Variants in PROCR observed in about 807,000 individuals in gnomAD.
The protein encoded by PROCR is endothelial protein C receptor.
In PROCR, 22 loss-of-function variants were observed where a neutral mutation model predicts 24.2. The ratio of observed to expected loss-of-function variants is 0.91; its 90% CI spans 0.65 to 1.30. The LOEUF (loss-of-function observed/expected upper bound fraction) is 1.30. Among genes scored for constraint, PROCR ranks in the 50% most tolerant of loss-of-function variants. The pLI is 0.00. For missense variants in PROCR, 288 were observed against 307.7 expected (o/e 0.94, Z 0.48); for synonymous variants, 137 against 139.2 (o/e 0.98, Z 0.11).
At chr20:35,188,218 A>T (rs2086144001) in intron 1 of PROCR, among the ~76,000 whole-genome samples, 1 of 152,206 alleles carries the variant, frequency 6.6e-6, no homozygotes, top group Non-Finnish European at 1.5e-5. Context: ...AATTGTGCTA[A>T]CTGCTAGCAG....
At chr20:35,199,597 A>G (rs553650414) in intron 1 of PROCR, among the ~76,000 whole-genome samples, 1 of 152,228 alleles carries the variant, frequency 6.6e-6, no homozygotes, top group South Asian at 2.1e-4. Flanking sequence ...AAAAATGCAG[A>G]AATTGGCCGG....
intron 1 of PROCR, among the ~76,000 whole-genome samples, chr20:35,212,297 G>T (rs968659039): frequency 5.9e-5 from 9 of 152,166 alleles, no homozygotes; most frequent in Non-Finnish European, 1.2e-4. Context: ...GACACTCAAG[G>T]GGCAAGACCT....
At chr20:35,195,358 T>C (rs1234428920) in intron 1 of PROCR, 2 of 152,160 alleles carry the variant, frequency 1.3e-5, no homozygotes, top group African/African-American at 4.8e-5. Flanking sequence ...TTTTTGAAGC[T>C]AGGCAGGGTC....
Position 35,174,752 on chromosome 20 carries a change from C to T in PROCR, c.121C>T (p.His41Tyr). 6.2e-7 allele frequency: 1 copy of T among 1,614,110 alleles called. No homozygotes were observed. Among genetic ancestry groups the T allele is most frequent in the Non-Finnish European group, 8.5e-7 (1 of 1,180,006 alleles). ...GATCTCCTACTTCCGCGACCCCTATCACGTGTGGTACCAGGGCAACGCGTC... is the reference window on the plus strand; with the variant it reads ...GATCTCCTACTTCCGCGACCCCTATTACGTGTGGTACCAGGGCAACGCGTC... ...LQISYFRDPY[H>Y]VWYQGNASLG... Residue 41 changes from histidine (H) to tyrosine (Y), a missense_variant, in exon 2 of 4, where the codon CAC becomes TAC. Coordinates refer to ENST00000216968, the MANE Select transcript of PROCR (RefSeq NM_006404.5).
At chr20:35,173,575 A>C (rs967207929) in intron 1 of PROCR, among the ~76,000 whole-genome samples, 5 of 151,746 alleles carry the variant, frequency 3.3e-5, no homozygotes, top group African/African-American at 1.2e-4. Flanking sequence ...GACTACAGGC[A>C]TGTACCACCA....
chr20:35,192,002 G>A (rs1399073748), intron 1 of PROCR, among the ~76,000 whole-genome samples: 1 of 152,076 alleles, frequency 6.6e-6, no homozygotes, highest in African/African-American at 2.4e-5. Flanking sequence ...AATGATGGTG[G>A]CAAGGACAAG....
chr20:35,187,147 C>G (rs982225974), intron 1 of PROCR, among the ~76,000 whole-genome samples: 5 of 152,156 alleles, frequency 3.3e-5, no homozygotes, highest in Non-Finnish European at 5.9e-5. Flanking sequence ...ATCTCGCAGG[C>G]TCAAACGATC....
intron 1 of PROCR, among the ~76,000 whole-genome samples, chr20:35,203,488 G>A (rs11906393): frequency 1.0e-4 from 15 of 150,554 alleles, no homozygotes; most frequent in South Asian, 6.4e-4. Flanking sequence ...GTGATAGTGC[G>A]CGCCTGTAAT....
intron 1 of PROCR, among the ~76,000 whole-genome samples, chr20:35,214,503 G>A (rs1301821347): frequency 6.6e-6 from 1 of 151,952 alleles, no homozygotes; most frequent in East Asian, 1.9e-4. Flanking sequence ...TGGCTATCAC[G>A]GTGAAACCCT....
At chr20:35,183,510 A>C (rs963355812) in intron 1 of PROCR, among the ~76,000 whole-genome samples, 7 of 152,114 alleles carry the variant, frequency 4.6e-5, no homozygotes, top group Non-Finnish European at 1.0e-4. Flanking sequence ...CTTCCTGTAC[A>C]TCCTGCAGAA....
chr20:35,172,046 G>A (rs2085955709), upstream of PROCR: 1 of 981,950 alleles, frequency 1.0e-6, no homozygotes, highest in African/African-American at 1.6e-5. Context: ...CCTCTGCCCA[G>A]ACTCCGCCCC....
In PROCR at chr20:35,174,969, G is replaced by A. The variant is rs923063371; in HGVS notation, c.322+16G>A. The A allele has an allele frequency of 3.4e-6, 5 of 1,488,582 alleles. No individual in the cohort carries two copies. Among genetic ancestry groups the A allele is most frequent in the African/African-American group, 1.4e-5 (1 of 71,516 alleles). 92.2% of individuals were successfully genotyped at this position (1,488,582 alleles called of 1,614,324 possible). A position where few individuals can be genotyped will look rare whatever the true frequency, so the allele number is the denominator to read the frequency against. On this transcript the variant is annotated intron_variant, in intron 2 of 3. Coordinates refer to ENST00000216968, the MANE Select transcript of PROCR (RefSeq NM_006404.5). ...ACCTTGGCCTGTGAGTAGGCGCGCA[G>A]CGGGGGCGGGGTCTGGGCGGGGCTA...
intron 1 of PROCR, among the ~76,000 whole-genome samples, chr20:35,191,962 T>C (rs1407078979): frequency 6.6e-6 from 1 of 152,104 alleles, no homozygotes; most frequent in Non-Finnish European, 1.5e-5. Context: ...ACTCATACAT[T>C]CCTGTTAGGA....
chr20:35,207,195 C>T (rs2060345716), intron 1 of PROCR, among the ~76,000 whole-genome samples: 1 of 152,038 alleles, frequency 6.6e-6, no homozygotes, highest in African/African-American at 2.4e-5. Flanking sequence ...GTAGGGAAGG[C>T]TTTGACTACA....
At chr20:35,186,474 G>A (rs568010674) in intron 1 of PROCR, among the ~76,000 whole-genome samples, 2 of 150,868 alleles carry the variant, frequency 1.3e-5, no homozygotes, top group African/African-American at 4.9e-5. Flanking sequence ...GCTGAGGCGG[G>A]AGAATCACTT....
Position 35,174,941 on chromosome 20 carries a change from C to CG in PROCR, c.312dup (p.Thr105AspfsTer15). On this transcript the variant is annotated frameshift_variant, in exon 2 of 4. Transcript: ENST00000216968. LOFTEE classifies it high-confidence loss of function. ...CCTCGTGCGCCTGGTGCACCAGGAG[C>CG]GGACCTTGGCCTGTGAGTAGGCGCG... 1 of 1,350,984 alleles carries CG rather than the reference C, an allele frequency of 7.4e-7. No homozygotes were observed. Among genetic ancestry groups the CG allele is most frequent in the Non-Finnish European group, 9.8e-7 (1 of 1,021,930 alleles). The allele number at this position is 1,350,984 out of a possible 1,614,324, so 83.7% of individuals were successfully genotyped here.
At chr20:35,191,161 C>T (rs2086170219) in intron 1 of PROCR, among the ~76,000 whole-genome samples, 1 of 152,118 alleles carries the variant, frequency 6.6e-6, no homozygotes, top group African/African-American at 2.4e-5. Context: ...GCCCAGCAAT[C>T]TTTTCTTCTC....
At chr20:35,183,755 G>C (rs571953601) in intron 1 of PROCR, among the ~76,000 whole-genome samples, 1 of 152,230 alleles carries the variant, frequency 6.6e-6, no homozygotes, top group African/African-American at 2.4e-5. Flanking sequence ...AGATAGGAAA[G>C]ATAGACAGAA....
chr20:35,186,960 A>G (rs984146702), intron 1 of PROCR, among the ~76,000 whole-genome samples: 4 of 152,070 alleles, frequency 2.6e-5, no homozygotes, highest in African/African-American at 9.7e-5. Context: ...CTCAAAAAAA[A>G]AAAAGAAAAA....
Sources: allele counts gnomAD v4.1 joint callset (sites outside exome capture counted in the v4.1 genomes callset), GRCh38; gene constraint gnomAD v4.1.1; transcripts MANE v1.5; gene names NCBI Gene and HGNC (gene_info 2026-07-23, HGNC 2026-07-21).